MOK: variants seen among roughly 807,000 people sequenced by gnomAD.
MOK encodes MAPK/MAK/MRK overlapping kinase.
A neutral mutation model predicts 54.2 loss-of-function variants in MOK; 59 were observed. The ratio of observed to expected loss-of-function variants is 1.09; its 90% confidence interval spans 0.88 to 1.35. MOK has a LOEUF of 1.35. MOK is among the 40% of genes most tolerant of loss of function. MOK has a pLI of 0.00. For synonymous variants in MOK, 210 were observed against 202.7 expected, an observed-to-expected ratio of 1.04 and a Z score of -0.31; for missense variants, 517 against 526.2, an observed-to-expected ratio of 0.98 and a Z score of 0.17.
At chr14:102,298,963 G>A (rs919621358) in intron 1 of MOK, among the ~76,000 whole-genome samples, 1 of 152,078 alleles carries the variant, frequency 6.6e-6, no homozygotes. Flanking sequence ...AAGCCAGTGA[G>A]ACCACGAACC....
intron 4 of MOK, among the ~76,000 whole-genome samples, chr14:102,263,307 C>G (rs2067625432): frequency 6.6e-6 from 1 of 152,266 alleles, no homozygotes; most frequent in Non-Finnish European, 1.5e-5. Flanking sequence ...CCTCCCGCCA[C>G]TCTCCCCCAG....
At position 102,236,030 on chromosome 14, in the gene MOK, G is replaced by C. The variant is rs1301369752; in HGVS notation, c.591-2241C>G. ...TTAAGTGTGGCAAAGAAGGCCACTG[G>C]GCATGGGTGTATCCTAACCCTTGAG... On this transcript the variant is annotated intron_variant, in intron 7 of 11. Transcript: ENST00000361847. The surrounding 1 kb of genome is among the most constrained non-coding windows in gnomAD (Gnocchi z 4.5). Among the ~76,000 whole-genome samples the C allele has an allele frequency of 6.6e-6, 1 of 152,148 alleles. No individual in the cohort carries two copies. The highest frequency in any genetic ancestry group is 6.5e-5 in the Admixed American group (1 of 15,276).
intron 4 of MOK, among the ~76,000 whole-genome samples, chr14:102,261,143 G>A (rs749693955): frequency 6.6e-6 from 1 of 150,752 alleles, no homozygotes. Context: ...TGCAGTCCCA[G>A]CTACTCAGGA....
chr14:102,254,180 G>A (rs564116694), intron 4 of MOK, among the ~76,000 whole-genome samples: 1 of 152,176 alleles, frequency 6.6e-6, no homozygotes, highest in Admixed American at 6.5e-5. Flanking sequence ...AGTAGAGACG[G>A]GGTTTCACTA....
intron 2 of MOK, among the ~76,000 whole-genome samples, chr14:102,276,787 G>A (rs1319435751): frequency 1.2e-4 from 15 of 130,078 alleles, no homozygotes; most frequent in African/African-American, 3.7e-4. Context: ...GCGAAACTCC[G>A]TCTCAAAAAA....
intron 1 of MOK, among the ~76,000 whole-genome samples, chr14:102,287,039 ATGT>A (rs1249053387): frequency 1.3e-5 from 2 of 152,140 alleles, no homozygotes; most frequent in African/African-American, 4.8e-5. Context: ...ATTTTCCACA[ATGT>A]TGTTTTTTGA....
chr14:102,280,118 G>A (rs1230997373), intron 2 of MOK, among the ~76,000 whole-genome samples: 1 of 151,948 alleles, frequency 6.6e-6, no homozygotes, highest in Admixed American at 6.6e-5. Context: ...AACGGACATG[G>A]TTTCCTGGTG....
chr14:102,261,407 AAAAAAAAAAAAATATATATAT>A (rs2067405571), intron 4 of MOK, among the ~76,000 whole-genome samples: 1 of 78,828 alleles, frequency 1.3e-5, no homozygotes, highest in African/African-American at 5.3e-5. Context: ...AAAAAAAAAA[AAAAAAAAAAAAATATATATAT>A]ATATATATAT....
intron 1 of MOK, among the ~76,000 whole-genome samples, chr14:102,288,796 G>C (rs538083246): frequency 3.9e-5 from 6 of 152,206 alleles, no homozygotes; most frequent in Admixed American, 2.0e-4. Context: ...ATGGGCTGAA[G>C]GGGACACCCA....
chr14:102,219,273 T>C, the MOK span, among the ~76,000 whole-genome samples: 1 of 152,246 alleles, frequency 6.6e-6, no homozygotes, highest in African/African-American at 2.4e-5. Context: ...TTGCCTCCAG[T>C]GTTCACCACG....
At chr14:102,292,812 T>C (rs2070913787) in intron 1 of MOK, among the ~76,000 whole-genome samples, 1 of 152,072 alleles carries the variant, frequency 6.6e-6, no homozygotes, top group Admixed American at 6.6e-5. Context: ...AACCATTCAA[T>C]TTGTATATGA....
intron 4 of MOK, among the ~76,000 whole-genome samples, chr14:102,256,305 C>A (rs185470569): frequency 6.6e-6 from 1 of 151,990 alleles, no homozygotes; most frequent in African/African-American, 2.4e-5. Context: ...TGGCTTACAC[C>A]TGTAATCCCA....
intron 1 of MOK, among the ~76,000 whole-genome samples, chr14:102,288,797 G>A (rs2070422916): frequency 6.6e-6 from 1 of 152,192 alleles, no homozygotes; most frequent in Non-Finnish European, 1.5e-5. Flanking sequence ...TGGGCTGAAG[G>A]GGACACCCAT....
At chr14:102,234,119 T>G in intron 7 of MOK, 1 of 232,092 alleles carries the variant, frequency 4.3e-6, no homozygotes, top group Non-Finnish European at 8.4e-6. Context: ...TAATAAAAAC[T>G]TGCTTGCCTG....
At chr14:102,243,660 G>T (rs1256971527) in intron 7 of MOK, among the ~76,000 whole-genome samples, 1 of 152,072 alleles carries the variant, frequency 6.6e-6, no homozygotes, top group African/African-American at 2.4e-5. Flanking sequence ...ACAATTACCA[G>T]TGTTCCTGGC....
chr14:102,266,020 G>T, intron 2 of MOK, 108 bp from the exon 3 acceptor site: 1 of 797,312 alleles, frequency 1.3e-6, no homozygotes, highest in Non-Finnish European at 2.0e-6. Context: ...AATATTTCAA[G>T]CAAGTTAATC....
chr14:102,296,041 T>C (rs10143745), intron 1 of MOK, among the ~76,000 whole-genome samples: 2,078 of 151,328 alleles, frequency 0.014, 28 homozygotes, highest in African/African-American at 0.033. Flanking sequence ...AGGTCAGGAG[T>C]TCAAGACCAG....
At chr14:102,254,409 A>C (rs1210128660) in intron 4 of MOK, among the ~76,000 whole-genome samples, 1 of 152,240 alleles carries the variant, frequency 6.6e-6, no homozygotes, top group Admixed American at 6.5e-5. Context: ...TCCCAAGCTG[A>C]TAATTCTGGA....
chr14:102,295,220 A>G (rs1331586978), intron 1 of MOK, among the ~76,000 whole-genome samples: 1 of 152,220 alleles, frequency 6.6e-6, no homozygotes, highest in African/African-American at 2.4e-5. Flanking sequence ...AAAGAAAAAC[A>G]GACTCAAGGA....
Sources: allele counts gnomAD v4.1 joint callset (sites outside exome capture counted in the v4.1 genomes callset), GRCh38; gene constraint gnomAD v4.1.1; non-coding constraint Gnocchi (gnomAD v3.1); transcripts MANE v1.5; gene names NCBI Gene and HGNC (gene_info 2026-07-23, HGNC 2026-07-21).